VRK1: variants seen among roughly 807,000 people sequenced by gnomAD.
VRK1 encodes the protein VRK serine/threonine kinase 1.
A neutral mutation model predicts 57.1 loss-of-function variants in VRK1; 33 were observed. The observed-to-expected ratio is 0.58, with a 90% CI of 0.44 to 0.77. The LOEUF (loss-of-function observed/expected upper bound fraction) is 0.77. Among genes scored for constraint, VRK1 ranks in the 30% least tolerant of loss-of-function variants. The pLI is 0.00. For synonymous variants in VRK1, 137 were observed against 147.8 expected, an observed-to-expected ratio of 0.93 and a Z score of 0.53; for missense variants, 413 against 477.3, an observed-to-expected ratio of 0.87 and a Z score of 1.25.
chr14:96,875,096 T>A (rs1281317439), intron 11 of VRK1, among the ~76,000 whole-genome samples: 1 of 151,936 alleles, frequency 6.6e-6, no homozygotes, highest in Non-Finnish European at 1.5e-5. Context: ...TATTTTAACC[T>A]GCTTAAATTT....
intron 1 of VRK1, among the ~76,000 whole-genome samples, chr14:96,833,069 T>A (rs937625306): frequency 6.6e-6 from 1 of 152,174 alleles, no homozygotes; most frequent in Admixed American, 6.5e-5. Context: ...CTGCACTGTG[T>A]TCTATCATAT....
chr14:96,815,992 A>G (rs777182503), intron 1 of VRK1, among the ~76,000 whole-genome samples: 2 of 152,160 alleles, frequency 1.3e-5, no homozygotes, highest in Non-Finnish European at 2.9e-5. Context: ...AAAAGGAAAT[A>G]GGGCCCCTTG....
intron 12 of VRK1, among the ~76,000 whole-genome samples, chr14:96,879,432 C>A (rs1207365350): frequency 1.3e-5 from 2 of 151,904 alleles, no homozygotes; most frequent in Non-Finnish European, 2.9e-5. Context: ...AGTAAAATGG[C>A]AAATTAAGAC....
intron 3 of VRK1, among the ~76,000 whole-genome samples, chr14:96,839,891 G>A (rs368057710): frequency 2.0e-5 from 3 of 152,022 alleles, no homozygotes; most frequent in Non-Finnish European, 4.4e-5. Flanking sequence ...TGTCAATGTG[G>A]CAATTACATT....
intron 1 of VRK1, among the ~76,000 whole-genome samples, chr14:96,800,595 C>T (rs920880258): frequency 6.6e-6 from 1 of 152,042 alleles, no homozygotes; most frequent in Non-Finnish European, 1.5e-5. Context: ...GTATCTTTGT[C>T]AGCTTGGAAA....
In VRK1 at chr14:96,857,901, A is replaced by G. The variant is rs142615558; in HGVS notation, c.889+1315A>G. On this transcript the variant is annotated intron_variant, in intron 10 of 12. Coordinates refer to ENST00000216639, the MANE Select transcript of VRK1 (RefSeq NM_003384.3). ...TCACTTACCTTAATTTCCAACACCA[A>G]ATATTTGTGTTTAAAATTTATAGAA... 1.2e-4 allele frequency among the ~76,000 whole-genome samples: 19 copies of G among 152,234 alleles called. No individual in the cohort carries two copies. The East Asian group carries it at 2.3e-3, about 19-fold the overall frequency.
At chr14:96,841,016 C>A (rs114352314) in intron 3 of VRK1, among the ~76,000 whole-genome samples, 1 of 151,750 alleles carries the variant, frequency 6.6e-6, no homozygotes, top group Non-Finnish European at 1.5e-5. Context: ...CCACCATGCC[C>A]GGCTAATTTT....
rs201936978 is a variant in VRK1 at position 96,852,922 on chromosome 14, C to A, written c.466C>A (p.Gln156Lys). 40 of 1,613,734 alleles carry A rather than the reference C, an allele frequency of 2.5e-5. 1 individual carries two copies. The highest frequency in any genetic ancestry group is 3.3e-4 in the Middle Eastern group (2 of 6,058). Reference protein sequence around the residue: ...AKRFSRKTVLQLSLRILDILE... With the variant: ...AKRFSRKTVLKLSLRILDILE... ...AAGGTTTTCTCGGAAAACTGTCTTG[C>A]AGCTAAGCTTAAGAATTGTATGTGA... is the stretch of plus-strand genomic sequence containing the variant. Residue 156 changes from glutamine to lysine, a missense_variant, in exon 6 of 13, where the codon CAG becomes AAG. By Grantham distance (53) the Gln-to-Lys change is moderately conservative. This residue lies in a region of VRK1 where 151 missense variants were observed against 225.5 expected (regional missense o/e 0.67). Transcript: ENST00000216639.
chr14:96,840,858 C>CTT (rs56081379), intron 3 of VRK1, among the ~76,000 whole-genome samples: 56 of 143,474 alleles, frequency 3.9e-4, no homozygotes, highest in Non-Finnish European at 5.5e-4. Flanking sequence ...ATAACTTGAA[C>CTT]TTTTTTTTTT....
intron 11 of VRK1, among the ~76,000 whole-genome samples, chr14:96,866,014 G>A (rs1888573282): frequency 6.6e-6 from 1 of 151,758 alleles, no homozygotes; most frequent in African/African-American, 2.4e-5. Flanking sequence ...TCTTCCTTGG[G>A]GGAGGACTGT....
At chr14:96,860,506 G>A (rs1273550039) in intron 10 of VRK1, 51 bp from the exon 11 acceptor site, 4 of 1,536,502 alleles carry the variant, frequency 2.6e-6, no homozygotes, top group African/African-American at 1.4e-5. Context: ...TTTTTTAGAG[G>A]TTAGAGAGAA....
intron 1 of VRK1, among the ~76,000 whole-genome samples, chr14:96,830,145 A>G (rs995035864): frequency 6.6e-6 from 1 of 152,100 alleles, no homozygotes; most frequent in Non-Finnish European, 1.5e-5. Flanking sequence ...AAGTATTTTC[A>G]TTTACTATTA....
chr14:96,843,966 A>G (rs1326643022), intron 3 of VRK1, among the ~76,000 whole-genome samples: 1 of 152,192 alleles, frequency 6.6e-6, no homozygotes, highest in African/African-American at 2.4e-5. Flanking sequence ...CCTGAAGGAA[A>G]ACTTGAAAGT....
intron 1 of VRK1, among the ~76,000 whole-genome samples, chr14:96,815,748 A>G (rs1886367649): frequency 6.6e-6 from 1 of 151,748 alleles, no homozygotes; most frequent in African/African-American, 2.4e-5. Flanking sequence ...GAACAAAACA[A>G]ATTCGTGGGC....
chr14:96,825,206 G>A (rs943356627), intron 1 of VRK1, among the ~76,000 whole-genome samples: 14 of 152,136 alleles, frequency 9.2e-5, no homozygotes, highest in African/African-American at 3.1e-4. Flanking sequence ...GTGGTTTGTA[G>A]GTGTGGCTCT....
intron 1 of VRK1, among the ~76,000 whole-genome samples, chr14:96,823,303 A>C (rs748606854): frequency 2.6e-5 from 4 of 152,234 alleles, no homozygotes; most frequent in Non-Finnish European, 4.4e-5. Context: ...AAGTGCCTAG[A>C]ACAGTGCTTG....
At chr14:96,797,863 A>G (rs889002946) in intron 1 of VRK1, among the ~76,000 whole-genome samples, 7 of 152,242 alleles carry the variant, frequency 4.6e-5, no homozygotes, top group African/African-American at 1.4e-4. Flanking sequence ...ACTCTGTAGA[A>G]GGGAAACAAC....
intron 1 of VRK1, among the ~76,000 whole-genome samples, chr14:96,827,580 C>T (rs1394038568): frequency 6.6e-6 from 1 of 152,166 alleles, no homozygotes; most frequent in Non-Finnish European, 1.5e-5. Context: ...CAGTGGGTCA[C>T]TGCCACAGTC....
At chr14:96,844,647 T>G (rs1887602545) in intron 3 of VRK1, among the ~76,000 whole-genome samples, 1 of 152,204 alleles carries the variant, frequency 6.6e-6, no homozygotes, top group South Asian at 2.1e-4. Context: ...GTTCAAGTGA[T>G]TCTCCTCCCT....
Sources: gnomAD v4.1 joint callset for allele counts (sites outside exome capture counted in the v4.1 genomes callset) on GRCh38, gnomAD v4.1.1 for gene constraint, gnomAD v4.1.1 regional missense constraint, MANE v1.5 for transcripts, NCBI Gene and HGNC (gene_info 2026-07-23, HGNC 2026-07-21) for gene names.